CHRAC1: variants seen among roughly 807,000 people sequenced by gnomAD.
The protein encoded by CHRAC1 is chromatin accessibility complex subunit 1.
CHRAC1 carries 6 observed loss-of-function variants against 9.1 expected under a neutral mutation model. That is an observed-to-expected ratio of 0.66 (90% CI 0.36 to 1.29). The LOEUF (loss-of-function observed/expected upper bound fraction) is 1.29. Among genes scored for constraint, CHRAC1 ranks in the 50% most tolerant of loss-of-function variants. CHRAC1 has a pLI of 0.03. For missense variants in CHRAC1, 168 were observed against 163.5 expected, an observed-to-expected ratio of 1.03 and a Z score of -0.15; for synonymous variants, 73 against 64.5, an observed-to-expected ratio of 1.13 and a Z score of -0.63.
chr8:140,512,468 A>G (rs13439347), intron 1 of CHRAC1, among the ~76,000 whole-genome samples: 1,592 of 152,366 alleles, frequency 0.01, 34 homozygotes, highest in African/African-American at 0.036. Context: ...TCCTGGGTGC[A>G]AAATAGATAA....
intron 1 of CHRAC1, among the ~76,000 whole-genome samples, chr8:140,514,054 C>T (rs533176606): frequency 6.3e-4 from 96 of 151,234 alleles, no homozygotes; most frequent in Admixed American, 1.3e-3. Context: ...TACAGGCACC[C>T]GCCACCATGC....
At chr8:140,513,922 T>C (rs112016432) in intron 1 of CHRAC1, among the ~76,000 whole-genome samples, 48 of 115,296 alleles carry the variant, frequency 4.2e-4, no homozygotes, top group Admixed American at 1.4e-3. Context: ...TCTTTTTTTT[T>C]TTTTTTTTTT....
intron 2 of CHRAC1, chr8:140,514,737 G>T: frequency 5.0e-6 from 2 of 399,450 alleles, no homozygotes; most frequent in South Asian, 6.6e-5. Flanking sequence ...TTGGTTGGCC[G>T]CGTATGCTGG....
chr8:140,511,878 C>A, intron 1 of CHRAC1: 1 of 812,400 alleles, frequency 1.2e-6, no homozygotes, highest in Non-Finnish European at 1.9e-6. Flanking sequence ...CTCACGTTCT[C>A]CAGTTTCTTC....
chr8:140,514,981 TTTACCC>T, intron 2 of CHRAC1, 139 bp from the exon 3 acceptor site: 1 of 785,902 alleles, frequency 1.3e-6, no homozygotes, highest in East Asian at 2.5e-5. Context: ...TCTTTGATAT[TTTACCC>T]AGAAATGCAG....
intron 1 of CHRAC1, among the ~76,000 whole-genome samples, chr8:140,513,279 A>AT (rs1246011118): frequency 1.3e-5 from 2 of 152,202 alleles, no homozygotes; most frequent in African/African-American, 2.4e-5. Context: ...TGAGGGTTGT[A>AT]TGTCAGTTCC....
At position 140,512,007 on chromosome 8, in the gene CHRAC1, G is replaced by T. The variant is rs772130804; in HGVS notation, c.147+361G>T. The T allele has an allele frequency of 1.4e-5, 18 of 1,286,346 alleles. No homozygotes were observed. The Admixed American group carries it at 2.3e-4, about 17-fold the overall frequency. 79.7% of individuals were successfully genotyped at this position (1,286,346 alleles called of 1,614,324 possible). A position where few individuals can be genotyped will look rare whatever the true frequency, so the allele number is the denominator to read the frequency against. ...ACTGTCCTCCCGCCGTTTCTCTCGC[G>T]CTTCCATTCGGCAAACCCGTAAGCT... On this transcript the variant is annotated intron_variant, in intron 1 of 2. Transcript: ENST00000220913.
intron 1 of CHRAC1, among the ~76,000 whole-genome samples, chr8:140,513,952 G>A (rs1214080090): frequency 1.0e-5 from 1 of 95,790 alleles, no homozygotes; most frequent in East Asian, 3.6e-4. Flanking sequence ...ACGGAGTCTT[G>A]CTTGATCACC....
rs370563897 is a variant in CHRAC1 at position 140,515,423 on chromosome 8, C to T, written c.*176C>T. ...CGAGATTGAGCACCTCATGTACCTA[C>T]GCCACAGACAGCCAGAGGGAAAGCG... On this transcript the variant is annotated 3_prime_UTR_variant, in exon 3 of 3. Coordinates refer to ENST00000220913, the MANE Select transcript of CHRAC1 (RefSeq NM_017444.6). The T allele has an allele frequency of 1.6e-4, 87 of 542,500 alleles. No homozygotes were observed. Among genetic ancestry groups the T allele is most frequent in the Middle Eastern group, 5.0e-4 (1 of 1,994 alleles). The allele number at this position is 542,500 out of a possible 1,614,324, so 33.6% of individuals were successfully genotyped here. A position where few individuals can be genotyped will look rare whatever the true frequency, so the allele number is the denominator to read the frequency against.
At chr8:140,511,960 G>A (rs1166535388) in intron 1 of CHRAC1, 2 of 1,286,942 alleles carry the variant, frequency 1.6e-6, no homozygotes, top group South Asian at 1.2e-5. Context: ...CCTTCCGTGC[G>A]CACCTTCGCC....
At chr8:140,515,088 C>T (rs1466371755) in intron 2 of CHRAC1, 38 bp from the exon 3 acceptor site, 1 of 1,599,038 alleles carries the variant, frequency 6.3e-7, no homozygotes, top group African/African-American at 1.3e-5. Context: ...TCATAGTCTA[C>T]CATAACCAAT....
At chr8:140,511,962 A>G (rs779719980) in intron 1 of CHRAC1, 8 of 1,244,854 alleles carry the variant, frequency 6.4e-6, no homozygotes, top group Non-Finnish European at 8.3e-6. Flanking sequence ...TTCCGTGCGC[A>G]CCTTCGCCCC....
intron 2 of CHRAC1, 146 bp downstream of exon 2, chr8:140,514,641 A>G: frequency 1.7e-6 from 1 of 578,770 alleles, no homozygotes; most frequent in Non-Finnish European, 2.9e-6. Context: ...TTGTCACAGG[A>G]AGATACTTTT....
intron 1 of CHRAC1, among the ~76,000 whole-genome samples, chr8:140,513,170 A>AC (rs1280623372): frequency 6.6e-6 from 1 of 152,226 alleles, no homozygotes; most frequent in African/African-American, 2.4e-5. Flanking sequence ...ACCTTGAGAA[A>AC]GAGGCTCAGT....
rs768670892 is a variant in CHRAC1 at position 140,511,619 on chromosome 8, G to C, written c.120G>C (p.Glu40Asp). The change falls in exon 1 of 3, where the codon GAG becomes GAC. Residue 40 changes from glutamate to aspartate, a missense_variant. By Grantham distance (45) the Glu-to-Asp change is conservative. Transcript: ENST00000220913. ...SSPEVSSINQEALVLTAKATE... is the reference protein window; with the variant it reads ...SSPEVSSINQDALVLTAKATE... ...CCGAGGTGTCCAGCATCAACCAGGA[G>C]GCGTTGGTGCTCACGGCCAAGGCCA... The C allele has an allele frequency of 1.4e-6, 2 of 1,458,060 alleles. No individual in the cohort carries two copies. Among genetic ancestry groups the C allele is most frequent in the South Asian group, 1.5e-5 (1 of 68,784 alleles). The allele number at this position is 1,458,060 out of a possible 1,614,324, so 90.3% of individuals were successfully genotyped here. A position where few individuals can be genotyped will look rare whatever the true frequency, so the allele number is the denominator to read the frequency against.
At position 140,516,493 on chromosome 8, in the gene CHRAC1, A is replaced by G. The variant is rs1367778722; in HGVS notation, c.*1246A>G. On this transcript the variant is annotated 3_prime_UTR_variant, in exon 3 of 3. Transcript: ENST00000220913. ...AAAAATGAAAAAGTTTATAATTTAC[A>G]TTCAGTAAAATCACCCTTTTTAGTG... 1.3e-5 allele frequency: 2 copies of G among 152,134 alleles called. 1 individual carries two copies. The highest frequency in any genetic ancestry group is 2.9e-5 in the Non-Finnish European group (2 of 68,034). 9.4% of individuals were successfully genotyped at this position (152,134 alleles called of 1,614,324 possible). A position where few individuals can be genotyped will look rare whatever the true frequency, so the allele number is the denominator to read the frequency against.
chr8:140,511,354 C>T lies in CHRAC1; in HGVS notation c.-146C>T, dbSNP rs1295080917. On this transcript the variant is annotated 5_prime_UTR_variant, in exon 1 of 3. Transcript: ENST00000220913. ...AGCTCGTAGTTTCCCGGACGGGCCG[C>T]TCCCGGCCTCGCGGCCTCGCCTCCC... The T allele has an allele frequency of 1.5e-6, 1 of 667,480 alleles. No individual in the cohort carries two copies. The highest frequency in any genetic ancestry group is 4.4e-5 in the Admixed American group (1 of 22,474). 41.3% of individuals were successfully genotyped at this position (667,480 alleles called of 1,614,324 possible).
chr8:140,512,804 G>A (rs2072293520), intron 1 of CHRAC1, among the ~76,000 whole-genome samples: 2 of 152,210 alleles, frequency 1.3e-5, no homozygotes, highest in Non-Finnish European at 2.9e-5. Context: ...ATTAAGGAAT[G>A]AGGATTTATG....
In CHRAC1 at chr8:140,515,335, A is replaced by C; in HGVS notation, c.*88A>C. The C allele has an allele frequency of 7.3e-7, 1 of 1,373,012 alleles. No homozygotes were observed. Among genetic ancestry groups the C allele is most frequent in the Non-Finnish European group, 1.0e-6 (1 of 995,632 alleles). 85.1% of individuals were successfully genotyped at this position (1,373,012 alleles called of 1,614,324 possible). ...AGTAAACACAGCACTGCCCGCTTTT[A>C]GCGTCTTCACTTCTTCACAGAGTTC... On this transcript the variant is annotated 3_prime_UTR_variant, in exon 3 of 3. Transcript: ENST00000220913.
Sources: allele counts gnomAD v4.1 joint callset (sites outside exome capture counted in the v4.1 genomes callset), GRCh38; gene constraint gnomAD v4.1.1; transcripts MANE v1.5; gene names NCBI Gene and HGNC (gene_info 2026-07-23, HGNC 2026-07-21).